Variants in PIEZO2 observed in about 807,000 individuals in gnomAD.
PIEZO2 encodes piezo type mechanosensitive ion channel component 2.
In PIEZO2, 172 loss-of-function variants were observed where a neutral mutation model predicts 337.3. The ratio of observed to expected loss-of-function variants is 0.51; its 90% CI spans 0.45 to 0.58. PIEZO2 has a LOEUF of 0.58. Among genes scored for constraint, PIEZO2 ranks in the 20% least tolerant of loss-of-function variants. The pLI is 0.00. For missense variants in PIEZO2, 3,028 were observed against 3,391.3 expected (o/e 0.89, Z 2.66); for synonymous variants, 1,251 against 1,228.5 (o/e 1.02, Z -0.38).
At chr18:10,820,305 T>TTATACTTCTG (rs2040484870) in intron 7 of PIEZO2, among the ~76,000 whole-genome samples, 1 of 152,034 alleles carries the variant, frequency 6.6e-6, no homozygotes, top group South Asian at 2.1e-4. Context: ...CTGTTAGACC[T>TTATACTTCTG]TTTGAAGCTG....
Position 10,672,830 on chromosome 18 carries a change from A to G in PIEZO2, c.8205T>C (p.Asn2735=), listed in dbSNP as rs771268377. Residue 2735 remains asparagine (N), a synonymous_variant, in exon 55 of 56, where the codon AAT becomes AAC. Transcript: ENST00000674853. The surrounding 1 kb of genome is among the most constrained non-coding windows in gnomAD (Gnocchi z 4.7). ...MDITIILSRD[N]TTKYNSEWWV... is the part of the protein sequence containing the mutation. ...ACCACTCACTGTTATATTTAGTTGT[A>G]TTGTCTCTGGACAAAATGATGGTAA... is the stretch of plus-strand genomic sequence containing the variant. 3 of 1,612,080 alleles carry G rather than the reference A, an allele frequency of 1.9e-6. No individual in the cohort carries two copies. The highest frequency in any genetic ancestry group is 1.3e-5 in the African/African-American group (1 of 74,966).
At position 11,077,703 on chromosome 18, in the gene PIEZO2, G is replaced by A. The variant is rs1321188012; in HGVS notation, c.65-11481C>T. Among the ~76,000 whole-genome samples the A allele has an allele frequency of 6.6e-6, 1 of 150,766 alleles. No homozygotes were observed. Among genetic ancestry groups the A allele is most frequent in the African/African-American group, 2.5e-5 (1 of 40,754 alleles). ...ATAGAGATTTCAAGTTTGGGAAGTTGTTGCTCCATTTTCATTAATATCAGT... is the reference window on the plus strand; with the variant it reads ...ATAGAGATTTCAAGTTTGGGAAGTTATTGCTCCATTTTCATTAATATCAGT... On this transcript the variant is annotated intron_variant, in intron 1 of 55. Transcript: ENST00000674853. The surrounding 1 kb of genome is among the most constrained non-coding windows in gnomAD (Gnocchi z 4.8).
chr18:10,937,857 T>C (rs1172524604), intron 3 of PIEZO2, among the ~76,000 whole-genome samples: 2 of 152,184 alleles, frequency 1.3e-5, no homozygotes, highest in Non-Finnish European at 2.9e-5. Context: ...TTTGGTTATC[T>C]AGGAAAATGA....
intron 2 of PIEZO2, among the ~76,000 whole-genome samples, chr18:11,057,419 C>T (rs1236847880): frequency 6.6e-6 from 1 of 152,224 alleles, no homozygotes; most frequent in Non-Finnish European, 1.5e-5. Context: ...GCCCAGATTT[C>T]TAAAAACAGG....
chr18:10,687,758 G>C (rs912912393), intron 49 of PIEZO2, among the ~76,000 whole-genome samples: 4 of 152,092 alleles, frequency 2.6e-5, no homozygotes, highest in Non-Finnish European at 5.9e-5. Context: ...AAGAAGCCTG[G>C]GCTTGTCTCC....
intron 27 of PIEZO2, among the ~76,000 whole-genome samples, chr18:10,756,067 G>T (rs1432222284): frequency 6.7e-6 from 1 of 148,816 alleles, no homozygotes; most frequent in Non-Finnish European, 1.5e-5. Flanking sequence ...GAGGGATGGG[G>T]ATAAGGATAA....
intron 2 of PIEZO2, among the ~76,000 whole-genome samples, chr18:10,999,028 A>G (rs2035438834): frequency 6.6e-6 from 1 of 152,070 alleles, no homozygotes; most frequent in Non-Finnish European, 1.5e-5. Context: ...AATGATTTAA[A>G]TGTGGCATGC....
chr18:10,731,177 T>TAGATATATATA (rs1555633703), intron 36 of PIEZO2, among the ~76,000 whole-genome samples: 4 of 35,232 alleles, frequency 1.1e-4, no homozygotes, highest in African/African-American at 5.2e-4. Context: ...ACTTAAAAGA[T>TAGATATATATA]TATATATATA....
chr18:10,938,721 T>A (rs1355710807), intron 3 of PIEZO2, among the ~76,000 whole-genome samples: 3 of 152,214 alleles, frequency 2.0e-5, no homozygotes, highest in African/African-American at 7.2e-5. Context: ...ACAATGAAGA[T>A]GACTTTTCAA....
Position 10,894,300 on chromosome 18 carries a change from A to T in PIEZO2, c.329+16886T>A, listed in dbSNP as rs1385774120. The stretch of plus-strand genomic sequence containing the variant: ...AATCCCCTCTGTACTAAAAATACAA[A>T]AAAAACAGCCAGGCGTGGTGGTGGA... On this transcript the variant is annotated intron_variant, in intron 4 of 55. Transcript: ENST00000674853. The surrounding 1 kb of genome is among the most constrained non-coding windows in gnomAD (Gnocchi z 4.1). Among the ~76,000 whole-genome samples, 2 of 151,994 alleles carry T rather than the reference A, an allele frequency of 1.3e-5. No homozygotes were observed. The highest frequency in any genetic ancestry group is 4.8e-5 in the African/African-American group (2 of 41,312).
At chr18:10,838,554 C>T (rs1028699395) in intron 7 of PIEZO2, among the ~76,000 whole-genome samples, 1 of 152,200 alleles carries the variant, frequency 6.6e-6, no homozygotes, top group African/African-American at 2.4e-5. Context: ...GCAATCTGTT[C>T]ATAGGACAAT....
chr18:10,893,445 C>T (rs1598641992), intron 4 of PIEZO2, among the ~76,000 whole-genome samples: 1 of 151,250 alleles, frequency 6.6e-6, no homozygotes, highest in South Asian at 2.1e-4. Flanking sequence ...CAAATATTGA[C>T]CCCTCTTTAA....
Position 11,148,197 on chromosome 18 carries a change from C to T in PIEZO2, c.64+328G>A, listed in dbSNP as rs11662837. Among the ~76,000 whole-genome samples, 78,438 of 151,894 alleles carry T rather than the reference C, an allele frequency of 0.52. 21,233 individuals are homozygous for T. Among genetic ancestry groups the T allele is most frequent in the South Asian group, 0.65 (3,129 of 4,806 alleles). On this transcript the variant is annotated intron_variant, in intron 1 of 55. Transcript: ENST00000674853. This position sits in a 1 kb window ranked among gnomAD's most constrained non-coding sequence, Gnocchi z 5.2. ...AGCCTGACTGTACCTACGATGGGGA[C>T]GCATCCGCCTTCCAGCCACAGCAAT...
chr18:10,952,978 A>C lies in PIEZO2; in HGVS notation c.286+26557T>G, dbSNP rs1033737528. ...TAGTCATCTCCGGTTTTTAACTTGC[A>C]CTTACCTAATGACTGTGATGTTAAA... On this transcript the variant is annotated intron_variant, in intron 3 of 55. Coordinates refer to ENST00000674853, the MANE Select transcript of PIEZO2 (RefSeq NM_001378183.1). The surrounding 1 kb of genome is among the most constrained non-coding windows in gnomAD (Gnocchi z 4.1). Among the ~76,000 whole-genome samples the C allele has an allele frequency of 1.7e-4, 26 of 150,408 alleles. No individual in the cohort carries two copies. The highest frequency in any genetic ancestry group is 3.1e-4 in the Non-Finnish European group (21 of 67,908).
At chr18:10,793,481 A>T (rs1598487657) in intron 13 of PIEZO2, among the ~76,000 whole-genome samples, 2 of 152,326 alleles carry the variant, frequency 1.3e-5, no homozygotes, top group African/African-American at 4.8e-5. Flanking sequence ...TTAATTTTAG[A>T]TTCGACAGGA....
intron 3 of PIEZO2, among the ~76,000 whole-genome samples, chr18:10,978,326 A>T (rs780547699): frequency 8.3e-4 from 125 of 151,338 alleles, no homozygotes; most frequent in Non-Finnish European, 1.5e-3. Context: ...ACAGAGTGAG[A>T]CTCCATCTCA....
In PIEZO2 at chr18:10,795,351, ATTATTTTATTTTATTTTATTTTATT is replaced by A. The variant is rs10694670; in HGVS notation, c.1528-374_1528-350del. 3.4e-4 allele frequency among the ~76,000 whole-genome samples: 7 copies of A among 20,532 alleles called. No individual in the cohort carries two copies. Among genetic ancestry groups the A allele is most frequent in the East Asian group, 8.1e-3 (1 of 124 alleles). 13.5% of individuals were successfully genotyped at this position (20,532 alleles called of 152,430 possible). On this transcript the variant is annotated intron_variant, in intron 12 of 55. Transcript: ENST00000674853. The surrounding 1 kb of genome is among the most constrained non-coding windows in gnomAD (Gnocchi z 4.4). The stretch of plus-strand genomic sequence containing the variant: ...ATTTTATTTTATTTTATTTTATTTT[ATTATTTTATTTTATTTTATTTTATT>A]TTATTTTATTTTATTTTATTTTATT...
In PIEZO2 at chr18:10,854,107, C is replaced by G. The variant is rs935754161; in HGVS notation, c.917+1246G>C. On this transcript the variant is annotated intron_variant, in intron 7 of 55. Transcript: ENST00000674853. This position sits in a 1 kb window ranked among gnomAD's most constrained non-coding sequence, Gnocchi z 4.6. ...GACCCATTCATTTGCCTTGCAGAAT[C>G]CACATTTTGAATTCTTTTGATTGTT... Among the ~76,000 whole-genome samples, 2 of 152,044 alleles carry G rather than the reference C, an allele frequency of 1.3e-5. No individual in the cohort carries two copies. The highest frequency in any genetic ancestry group is 2.9e-5 in the Non-Finnish European group (2 of 68,024).
intron 1 of PIEZO2, among the ~76,000 whole-genome samples, chr18:11,074,136 G>A (rs1309993881): frequency 6.6e-6 from 1 of 152,114 alleles, no homozygotes; most frequent in East Asian, 1.9e-4. Context: ...ATGAGCCACG[G>A]TGCCCAGCCA....
Sources: allele counts gnomAD v4.1 joint callset (sites outside exome capture counted in the v4.1 genomes callset), GRCh38; gene constraint gnomAD v4.1.1; non-coding constraint Gnocchi (gnomAD v3.1); transcripts MANE v1.5; gene names NCBI Gene and HGNC (gene_info 2026-07-23, HGNC 2026-07-21).